BLTP2: variants seen among roughly 807,000 people sequenced by gnomAD.
BLTP2 encodes U937-associated antigen.
chr17:28,635,248 T>C, the BLTP2 span: 72 of 1,614,056 alleles, frequency 4.5e-5, 1 homozygote, highest in East Asian at 1.6e-4. Flanking sequence ...GAAGATACTA[T>C]TGCCATCAAA....
the BLTP2 span, among the ~76,000 whole-genome samples, chr17:28,618,173 T>C: frequency 3.3e-5 from 5 of 152,160 alleles, no homozygotes; most frequent in Non-Finnish European, 7.4e-5. Context: ...CCTCAGGTGA[T>C]GCACCTGCCT....
At chr17:28,632,371 T>A in the BLTP2 span, 10 of 664,066 alleles carry the variant, frequency 1.5e-5, no homozygotes, top group Non-Finnish European at 2.3e-5. Context: ...ACATTCAGCA[T>A]CCCCAACTCC....
the BLTP2 span, chr17:28,635,483 G>A: frequency 1.3e-5 from 21 of 1,614,056 alleles, no homozygotes; most frequent in Non-Finnish European, 1.8e-5. Flanking sequence ...GCAAGGGATG[G>A]TACAGTCTCA....
chr17:28,634,982 C>T, the BLTP2 span: 10 of 1,613,606 alleles, frequency 6.2e-6, no homozygotes, highest in Non-Finnish European at 8.5e-6. Flanking sequence ...AAGAGTAGAT[C>T]AGGTGGGAGT....
chr17:28,635,678 T>A, the BLTP2 span: 1 of 1,482,030 alleles, frequency 6.7e-7, no homozygotes, highest in East Asian at 2.3e-5. Flanking sequence ...GCAAGGATTA[T>A]GACACATGCA....
At chr17:28,631,148 T>C in the BLTP2 span, among the ~76,000 whole-genome samples, 3 of 152,110 alleles carry the variant, frequency 2.0e-5, no homozygotes, top group Non-Finnish European at 2.9e-5. Flanking sequence ...TGGGAGGTAA[T>C]GACATAAGGT....
chr17:28,640,783 T>A, the BLTP2 span: 1 of 1,166,276 alleles, frequency 8.6e-7, no homozygotes, highest in Non-Finnish European at 1.2e-6. Context: ...CCACATAAAG[T>A]AGGCTAAGCA....
At chr17:28,633,877 T>C in the BLTP2 span, 17 of 1,612,162 alleles carry the variant, frequency 1.1e-5, no homozygotes, top group South Asian at 1.8e-4. Context: ...CCAAACCAAC[T>C]GCCTCATCTC....
the BLTP2 span, chr17:28,628,414 T>C: frequency 6.2e-7 from 1 of 1,614,170 alleles, no homozygotes; most frequent in Non-Finnish European, 8.5e-7. Context: ...AGTAGAAAGA[T>C]TACGTTTGAG....
At chr17:28,635,066 C>A in the BLTP2 span, 1 of 1,613,530 alleles carries the variant, frequency 6.2e-7, no homozygotes. Flanking sequence ...ACTCCCACAG[C>A]CTCATCTAGA....
At chr17:28,642,156 C>G in the BLTP2 span, 26 of 1,578,612 alleles carry the variant, frequency 1.6e-5, no homozygotes, top group Non-Finnish European at 2.3e-5. Context: ...ATCTGGAACA[C>G]TGGGTACTGA....
At chr17:28,634,583 G>C in the BLTP2 span, 5 of 1,614,006 alleles carry the variant, frequency 3.1e-6, no homozygotes, top group Non-Finnish European at 4.2e-6. Flanking sequence ...AATCCCTCAG[G>C]GGGAAAAGGG....
At chr17:28,620,685 C>T in the BLTP2 span, 3 of 1,593,756 alleles carry the variant, frequency 1.9e-6, no homozygotes, top group Non-Finnish European at 2.6e-6. Context: ...TAAATATCTA[C>T]TCCATCTCTT....
the BLTP2 span, chr17:28,620,777 G>C: frequency 9.9e-7 from 1 of 1,013,138 alleles, no homozygotes; most frequent in African/African-American, 1.6e-5. Context: ...GTTTACTTCA[G>C]AATCATAAAC....
the BLTP2 span, among the ~76,000 whole-genome samples, chr17:28,644,474 G>C: frequency 2.6e-3 from 401 of 152,324 alleles, 1 homozygote; most frequent in African/African-American, 8.6e-3. Flanking sequence ...AGAGAGAGAA[G>C]ACCCCAGCAA....
At chr17:28,615,898 A>G in the BLTP2 span, 1 of 1,302,288 alleles carries the variant, frequency 7.7e-7, no homozygotes, top group Non-Finnish European at 1.1e-6. Flanking sequence ...AAGTCCTACA[A>G]TAGTAACCTA....
chr17:28,637,832 T>C, the BLTP2 span: 1 of 1,613,120 alleles, frequency 6.2e-7, no homozygotes, highest in African/African-American at 1.3e-5. Flanking sequence ...CTTGTCCCAC[T>C]TACCAACCAA....
the BLTP2 span, chr17:28,645,106 C>T: frequency 6.5e-7 from 1 of 1,528,716 alleles, no homozygotes; most frequent in East Asian, 2.5e-5. Context: ...CATGCCGGGC[C>T]CCGACGCCGG....
the BLTP2 span, chr17:28,641,800 T>G: frequency 8.7e-7 from 1 of 1,154,496 alleles, no homozygotes; most frequent in East Asian, 2.4e-5. Flanking sequence ...GAATCACATC[T>G]AAATAAGCAG....
Sources: allele counts gnomAD v4.1 joint callset (sites outside exome capture counted in the v4.1 genomes callset), GRCh38; gene constraint gnomAD v4.1.1; transcripts MANE v1.5; gene names NCBI Gene and HGNC (gene_info 2026-07-23, HGNC 2026-07-21).